Variants in FGA observed in about 807,000 individuals in gnomAD.
FGA encodes the protein fibrinogen alpha chain, also known as fibrinogen, A alpha polypeptide.
Under a neutral mutation model 20.3 loss-of-function variants are expected in FGA, and 20 were observed. The ratio of observed to expected loss-of-function variants is 0.99; its 90% CI spans 0.69 to 1.43. FGA has a LOEUF of 1.43. Among genes scored for constraint, FGA ranks in the 40% most tolerant of loss-of-function variants. The pLI is 0.00. For synonymous variants in FGA, 306 were observed against 281.6 expected (o/e 1.09, Z -0.87); for missense variants, 777 against 784.7 (o/e 0.99, Z 0.12).
At position 154,586,556 on chromosome 4, in the gene FGA, A is replaced by C. The variant is rs757904815; in HGVS notation, c.873T>G (p.Ser291Arg). The C allele has an allele frequency of 3.2e-5, 51 of 1,613,978 alleles. No individual in the cohort carries two copies. Among genetic ancestry groups the C allele is most frequent in the Non-Finnish European group, 3.9e-5 (46 of 1,180,014 alleles). ...SETESPRNPSSAGSWNSGSSG... is the reference protein window; with the variant it reads ...SETESPRNPSRAGSWNSGSSG... ...AGCTCCCAGAGTTCCAGCTTCCAGCACTGCTAGGGTTCCTGGGGCTTTCCG... is the reference window on the plus strand; with the variant it reads ...AGCTCCCAGAGTTCCAGCTTCCAGCCCTGCTAGGGTTCCTGGGGCTTTCCG... Residue 291 changes from serine to arginine, a missense_variant, in exon 5 of 5, where the codon AGT (serine) becomes AGG (arginine). By Grantham distance (110) the Ser-to-Arg change is moderately radical. Transcript: ENST00000403106.
At position 154,588,871 on chromosome 4, in the gene FGA, G is replaced by T. The variant is rs759907581; in HGVS notation, c.286C>A (p.Gln96Lys). ...NKLKNSLFEY[Q>K]KNNKDSHSLT... is the part of the protein sequence containing the mutation. ...GAATGAGAATCCTTATTGTTCTTCT[G>T]ATATTCAAATAGTGAATTTTTGAGC... The change falls in exon 3 of 5, where the codon CAG (glutamine) becomes AAG (lysine). Residue 96 changes from glutamine to lysine, a missense_variant. Physicochemically the swap from Gln to Lys is moderately conservative, Grantham distance 53. Coordinates refer to ENST00000403106, the MANE Select transcript of FGA (RefSeq NM_021871.4). 1 of 1,610,838 alleles carries T rather than the reference G, an allele frequency of 6.2e-7. No individual in the cohort carries two copies. Among genetic ancestry groups the T allele is most frequent in the Admixed American group, 1.7e-5 (1 of 59,972 alleles).
Position 154,585,552 on chromosome 4 carries a change from G to C in FGA, c.1877C>G (p.Ser626Cys). 1 of 1,614,094 alleles carries C rather than the reference G, an allele frequency of 6.2e-7. No homozygotes were observed. The highest frequency in any genetic ancestry group is 1.7e-4 in the Middle Eastern group (1 of 6,058). The change falls in exon 5 of 5, where the codon TCT (serine) becomes TGT (cysteine). Residue 626 changes from serine to cysteine, a missense_variant. Coordinates refer to ENST00000403106, the MANE Select transcript of FGA (RefSeq NM_021871.4). The part of the protein sequence containing the change: ...THSTKRGHAK[S>C]RPVRGIHTSP... ...AGTGTGGATACCTCTGACAGGGCGA[G>C]ATTTAGCATGGCCTCTCTTGGTGCT... is the stretch of plus-strand genomic sequence containing the variant.
downstream of FGA, chr4:154,584,375 G>A (rs148824832): frequency 3.1e-6 from 5 of 1,614,150 alleles, no homozygotes; most frequent in Middle Eastern, 3.3e-4. Flanking sequence ...GTGCTGAACT[G>A]CATGTTGTTG....
In FGA at chr4:154,585,707, A is replaced by G. The variant is rs572538962; in HGVS notation, c.1722T>C (p.Gly574=). Residue 574 remains glycine, a synonymous_variant, in exon 5 of 5, where the codon GGT becomes GGC. Transcript: ENST00000403106. ...HPGIAEFPSR[G]KSSSYSKQFT... Reference sequence around the variant, plus strand: ...ATTGTTTGCTGTAACTTGAAGATTTACCACGGGAAGGGAATTCAGCTATCC... The same window carrying G: ...ATTGTTTGCTGTAACTTGAAGATTTGCCACGGGAAGGGAATTCAGCTATCC... 1 of 1,614,168 alleles carries G rather than the reference A, an allele frequency of 6.2e-7. No individual in the cohort carries two copies. Among genetic ancestry groups the G allele is most frequent in the East Asian group, 2.2e-5 (1 of 44,888 alleles).
Position 154,587,516 on chromosome 4 carries a change from A to T in FGA, c.506T>A (p.Leu169Gln), listed in dbSNP as rs1730756533. 6.2e-7 allele frequency: 1 copy of T among 1,613,764 alleles called. No individual in the cohort carries two copies. Among genetic ancestry groups the T allele is most frequent in the African/African-American group, 1.3e-5 (1 of 74,870 alleles). ...GGACCACAGCCACATACTTACCTCCAGTCGTTTCATATCAACCAACTGAGC... is the reference window on the plus strand; with the variant it reads ...GGACCACAGCCACATACTTACCTCCTGTCGTTTCATATCAACCAACTGAGC... ...VRAQLVDMKRLEVDIDIKIRS... is the reference protein window; with the variant it reads ...VRAQLVDMKRQEVDIDIKIRS... The change falls in exon 4 of 5, where the codon CTG (leucine) becomes CAG (glutamine). Residue 169 changes from leucine (L) to glutamine (Q), a missense_variant. Leu to Gln is a moderately radical substitution (Grantham distance 113). Coordinates refer to ENST00000403106, the MANE Select transcript of FGA (RefSeq NM_021871.4).
At chr4:154,583,921 T>C, downstream of FGA, 2 of 589,036 alleles carry the variant, frequency 3.4e-6, no homozygotes, top group Admixed American at 5.9e-5. Flanking sequence ...CACAGAGCTA[T>C]TTAAAGATAA....
At chr4:154,589,643 C>T (rs1303505452) in intron 1 of FGA, 81 bp from the exon 2 acceptor site, 2 of 1,499,072 alleles carry the variant, frequency 1.3e-6, no homozygotes, top group African/African-American at 2.7e-5. Context: ...GCCTACAAGT[C>T]CCCAGGAAGA....
downstream of FGA, chr4:154,584,266 A>G: frequency 6.2e-7 from 1 of 1,614,082 alleles, no homozygotes; most frequent in East Asian, 2.2e-5. Context: ...AGGGTAGTAG[A>G]TTCCATTGAG....
rs4513551 is a variant in FGA at position 154,585,284 on chromosome 4, C to A, written c.*210G>T. On this transcript the variant is annotated 3_prime_UTR_variant, in exon 5 of 5. Transcript: ENST00000403106. ...TAGAGTTTCAGAGGAATTCATTCAT[C>A]CATTTAACATGTATTTATTGAGTCA... 2.5e-5 allele frequency: 34 copies of A among 1,338,244 alleles called. No homozygotes were observed. In the African/African-American group the frequency reaches 4.3e-4, roughly 17 times the overall value. The allele number at this position is 1,338,244 out of a possible 1,614,324, so 82.9% of individuals were successfully genotyped here.
intron 3 of FGA, 95 bp downstream of exon 3, chr4:154,588,698 G>A (rs1376736547): frequency 1.1e-5 from 10 of 925,836 alleles, no homozygotes; most frequent in Admixed American, 8.9e-5. Flanking sequence ...AGTACTTTGG[G>A]ATGAAATTGT....
rs1553964329 is a variant in FGA at position 154,587,803 on chromosome 4, G to GAAAGAAAGAAAGAA, written c.365-147_365-146insTTCTTTCTTTCTTT. 138 of 664,466 alleles carry GAAAGAAAGAAAGAA rather than the reference G, an allele frequency of 2.1e-4. 2 individuals carry two copies. Among genetic ancestry groups the GAAAGAAAGAAAGAA allele is most frequent in the East Asian group, 1.4e-3 (48 of 34,144 alleles). The allele number at this position is 664,466 out of a possible 1,614,324, so 41.2% of individuals were successfully genotyped here. A position where few individuals can be genotyped will look rare whatever the true frequency, so the allele number is the denominator to read the frequency against. ...AGAAAGAAAGAAAGAAAGAAAGAAA[G>GAAAGAAAGAAAGAA]AGAAAAAAGAAAGAAAGAAACTAGC... On this transcript the variant is annotated intron_variant, in intron 3 of 4. Transcript: ENST00000403106.
downstream of FGA, chr4:154,583,909 C>A: frequency 1.8e-6 from 1 of 563,352 alleles, no homozygotes; most frequent in Non-Finnish European, 3.1e-6. Flanking sequence ...AATGTTAAAA[C>A]CCACAGAGCT....
chr4:154,588,971 G>C lies in FGA; in HGVS notation c.186C>G (p.Tyr62Ter). 6.2e-7 allele frequency: 1 copy of C among 1,612,714 alleles called. No individual in the cohort carries two copies. The highest frequency in any genetic ancestry group is 8.5e-7 in the Non-Finnish European group (1 of 1,178,918). Residue 62 changes from tyrosine (Y) to a stop codon, truncating the protein, a stop_gained, in exon 3 of 5, where the codon TAC becomes TAG. Transcript: ENST00000403106. LOFTEE classifies it high-confidence loss of function. ...WPFCSDEDWN[Y>*]KCPSGCRMKG... ...TCATCCTGCAGCCAGAAGGGCATTTGTAGTTCTGAAAGTGAAGGGAGAAAA... is the reference window on the plus strand; with the variant it reads ...TCATCCTGCAGCCAGAAGGGCATTTCTAGTTCTGAAAGTGAAGGGAGAAAA...
At position 154,587,787 on chromosome 4, in the gene FGA, G is replaced by GAAAGAAAGAAAGAA. The variant is rs1560826819; in HGVS notation, c.365-144_365-131dup. On this transcript the variant is annotated intron_variant, in intron 3 of 4. Coordinates refer to ENST00000403106, the MANE Select transcript of FGA (RefSeq NM_021871.4). ...AGAAAGAAAGAAAGAAAGAAAGAAA[G>GAAAGAAAGAAAGAA]AAAGAAAGAAAGAAAGAGAAAAAAG... 6 of 713,650 alleles carry GAAAGAAAGAAAGAA rather than the reference G, an allele frequency of 8.4e-6. No homozygotes were observed. The East Asian group carries it at 1.4e-4, about 16-fold the overall frequency. 44.2% of individuals were successfully genotyped at this position (713,650 alleles called of 1,614,324 possible).
At chr4:154,584,658 C>A (rs761492158), downstream of FGA, 16 of 1,614,004 alleles carry the variant, frequency 9.9e-6, no homozygotes, top group African/African-American at 1.7e-4. Context: ...TGTAGTCTTG[C>A]CAGGTCCGGT....
rs753733924 is a variant in FGA at position 154,588,785 on chromosome 4, ATACT to A, written c.364+4_364+7del. On this transcript the variant is annotated splice_donor_5th_base_variant and intron_variant, in intron 3 of 4. Coordinates refer to ENST00000403106, the MANE Select transcript of FGA (RefSeq NM_021871.4). ...ATAAAGTCAAAGCAGTAAATATGTA[ATACT>A]TACTATTGGCTGAGGAAAAATCGCC... 3.1e-6 allele frequency: 5 copies of A among 1,589,576 alleles called. No individual in the cohort carries two copies. Among genetic ancestry groups the A allele is most frequent in the Middle Eastern group, 2.2e-4 (1 of 4,484 alleles).
chr4:154,586,756 T>G lies in FGA; in HGVS notation c.673A>C (p.Lys225Gln). ...SRDRQHLPLI[K>Q]MKPVPDLVPG... ...ACCAAGTCTGGAACTGGTTTCATTT[T>G]TATCAGTGGTAAGTGTTGCCTATCT... Residue 225 changes from lysine to glutamine, a missense_variant, in exon 5 of 5, where the codon AAA (lysine) becomes CAA (glutamine). By Grantham distance (53) the Lys-to-Gln change is moderately conservative. Coordinates refer to ENST00000403106, the MANE Select transcript of FGA (RefSeq NM_021871.4). 6.2e-7 allele frequency: 1 copy of G among 1,614,212 alleles called. No homozygotes were observed. The highest frequency in any genetic ancestry group is 8.5e-7 in the Non-Finnish European group (1 of 1,180,040).
At chr4:154,585,244 CTAAA>C, downstream of FGA, 3 of 1,338,124 alleles carry the variant, frequency 2.2e-6, no homozygotes, top group Non-Finnish European at 2.9e-6. Context: ...AAGAATTTGA[CTAAA>C]TAAGCTCAAA....
chr4:154,584,642 C>A, downstream of FGA: 1 of 1,614,132 alleles, frequency 6.2e-7, no homozygotes, highest in Non-Finnish European at 8.5e-7. Context: ...CTGCCGAAAC[C>A]TCTCTTGTAG....
Sources: allele counts gnomAD v4.1 joint callset, GRCh38; gene constraint gnomAD v4.1.1; transcripts MANE v1.5; gene names NCBI Gene and HGNC (gene_info 2026-07-23, HGNC 2026-07-21).